Variants in CACNA1A observed in about 807,000 individuals in gnomAD.
CACNA1A encodes the protein voltage-dependent P/Q-type calcium channel subunit alpha-1A.
In CACNA1A, 57 loss-of-function variants were observed where a neutral mutation model predicts 262.4. The ratio of observed to expected loss-of-function variants is 0.22; its 90% CI spans 0.18 to 0.27. The LOEUF (loss-of-function observed/expected upper bound fraction) is 0.27, where lower values mean the gene tolerates loss of function less well. Among genes scored for constraint, CACNA1A ranks in the 10% least tolerant of loss-of-function variants. The pLI is 1.00. For missense variants in CACNA1A, 2,526 were observed against 3,562.8 expected, an observed-to-expected ratio of 0.71 and a Z score of 7.41; for synonymous variants, 1,431 against 1,419.3, an observed-to-expected ratio of 1.01 and a Z score of -0.18.
chr19:13,398,517 G>A (rs2059846369), intron 3 of CACNA1A, among the ~76,000 whole-genome samples: 1 of 152,176 alleles, frequency 6.6e-6, no homozygotes, highest in Non-Finnish European at 1.5e-5. Flanking sequence ...GCAGGTGGAA[G>A]GGTTCAATAA....
intron 3 of CACNA1A, among the ~76,000 whole-genome samples, chr19:13,385,859 G>A (rs952681006): frequency 2.0e-5 from 3 of 151,892 alleles, no homozygotes; most frequent in South Asian, 2.1e-4. Flanking sequence ...GGAAGGCTCA[G>A]TATTTAAAGA....
At chr19:13,415,172 G>T (rs757403918) in intron 3 of CACNA1A, among the ~76,000 whole-genome samples, 57 of 152,006 alleles carry the variant, frequency 3.7e-4, no homozygotes, top group Non-Finnish European at 7.5e-4. Flanking sequence ...ATCAGGGCAG[G>T]ATTTGGGGGA....
rs200323053 is a variant in CACNA1A, at chr19:13,322,607, T to C, written c.1346-5286A>G. ...TTGTTATGATTTGTCTTTTTTTTTT[T>C]TCTTGTAAGATGGAGTCTCACTCTG... On this transcript the variant is annotated intron_variant, in intron 10 of 46. Transcript: ENST00000360228. Among the ~76,000 whole-genome samples the C allele has an allele frequency of 5.3e-3, 809 of 152,110 alleles. 16 individuals carry two copies. Among genetic ancestry groups the C allele is most frequent in the East Asian group, 0.046 (240 of 5,162 alleles).
At chr19:13,320,797 A>T (rs190790199) in intron 10 of CACNA1A, among the ~76,000 whole-genome samples, 1 of 152,248 alleles carries the variant, frequency 6.6e-6, no homozygotes, top group Admixed American at 6.5e-5. Flanking sequence ...CTAGATTTTT[A>T]AAAATCACTT....
At chr19:13,496,903 A>G (rs915239866) in intron 1 of CACNA1A, among the ~76,000 whole-genome samples, 1 of 152,126 alleles carries the variant, frequency 6.6e-6, no homozygotes, top group African/African-American at 2.4e-5. Flanking sequence ...CCCAGATAGG[A>G]GCTATTAGGA....
At chr19:13,449,604 C>T (rs1292421952) in intron 3 of CACNA1A, among the ~76,000 whole-genome samples, 1 of 152,202 alleles carries the variant, frequency 6.6e-6, no homozygotes, top group Non-Finnish European at 1.5e-5. Context: ...AGCCACCATT[C>T]CCAGCCCACA....
intron 10 of CACNA1A, among the ~76,000 whole-genome samples, chr19:13,326,843 A>C (rs2058372525): frequency 6.6e-6 from 1 of 151,296 alleles, no homozygotes. Context: ...ACGTGAACGC[A>C]AATACCACAT....
intron 6 of CACNA1A, among the ~76,000 whole-genome samples, chr19:13,353,761 G>A (rs2058955864): frequency 6.6e-6 from 1 of 152,180 alleles, no homozygotes; most frequent in South Asian, 2.1e-4. Context: ...CTGTAGGTGA[G>A]CTGCCACTGT....
intron 4 of CACNA1A, among the ~76,000 whole-genome samples, chr19:13,369,233 T>C (rs2059275233): frequency 6.6e-6 from 1 of 152,090 alleles, no homozygotes; most frequent in South Asian, 2.1e-4. Flanking sequence ...TTGCCCTTGG[T>C]GATCAAAAGC....
At chr19:13,271,629 A>G (rs1350620097) in intron 24 of CACNA1A, 1 of 152,188 alleles carries the variant, frequency 6.6e-6, no homozygotes, top group Non-Finnish European at 1.5e-5. Context: ...TAGAAACAGC[A>G]TGTTGTAAAC....
rs1280998283 is a variant in CACNA1A, at chr19:13,212,083, G to A, written c.6303+20C>T. The A allele has an allele frequency of 6.4e-7, 1 of 1,555,216 alleles. No individual in the cohort carries two copies. Among genetic ancestry groups the A allele is most frequent in the South Asian group, 1.1e-5 (1 of 89,800 alleles). On this transcript the variant is annotated intron_variant, in intron 43 of 46. Transcript: ENST00000360228. The surrounding 1 kb of genome is among the most constrained non-coding windows in gnomAD (Gnocchi z 5.6). ...GCAGAGTGAGGGGTCCAGCCCCAGG[G>A]CAGTGGTGAAAGCCCTCACCTGGTT...
Position 13,240,171 on chromosome 19 carries a change from C to T in CACNA1A, c.4951-4441G>A, listed in dbSNP as rs746164187. ...GTCTAAAAAAAAAAAAAAAAAAGAG[C>T]GAGAGAGAGAGAGAATTGGAGAATG... is the stretch of plus-strand genomic sequence containing the variant. On this transcript the variant is annotated intron_variant, in intron 31 of 46. Coordinates refer to ENST00000360228, the MANE Select transcript of CACNA1A (RefSeq NM_001127222.2). Among the ~76,000 whole-genome samples the T allele has an allele frequency of 9.1e-5, 13 of 143,220 alleles. 1 individual carries two copies. Among genetic ancestry groups the T allele is most frequent in the South Asian group, 2.2e-4 (1 of 4,532 alleles). 94.0% of individuals were successfully genotyped at this position (143,220 alleles called of 152,430 possible). A position where few individuals can be genotyped will look rare whatever the true frequency, so the allele number is the denominator to read the frequency against.
intron 1 of CACNA1A, among the ~76,000 whole-genome samples, chr19:13,456,997 C>A (rs2061023334): frequency 6.6e-6 from 1 of 152,126 alleles, no homozygotes; most frequent in South Asian, 2.1e-4. Flanking sequence ...TGCCTGTAAT[C>A]CCAGCACTTT....
intron 10 of CACNA1A, among the ~76,000 whole-genome samples, chr19:13,326,770 C>CAAAAAAAAA (rs2058370307): frequency 7.9e-6 from 1 of 127,130 alleles, no homozygotes; most frequent in Non-Finnish European, 1.6e-5. Flanking sequence ...GCCTGAACAT[C>CAAAAAAAAA]AGAGCAAGAC....
At chr19:13,268,268 G>A (rs1469791920) in intron 24 of CACNA1A, among the ~76,000 whole-genome samples, 4 of 152,108 alleles carry the variant, frequency 2.6e-5, no homozygotes, top group Non-Finnish European at 5.9e-5. Context: ...CCTAGCAGCT[G>A]GTCCTCTCGT....
At chr19:13,215,071 A>AC (rs1205193042) in intron 38 of CACNA1A, 1 of 153,768 alleles carries the variant, frequency 6.5e-6, no homozygotes, top group Non-Finnish European at 1.4e-5. Context: ...GTGCAGTGGC[A>AC]CGAGCTTGGC....
intron 45 of CACNA1A, 129 bp from the exon 46 acceptor site, chr19:13,209,138 G>A (rs1429371637): frequency 2.9e-6 from 4 of 1,403,206 alleles, no homozygotes; most frequent in African/African-American, 2.8e-5. Flanking sequence ...CAGGTCAGTG[G>A]GTTGGGGGGA....
intron 18 of CACNA1A, among the ~76,000 whole-genome samples, chr19:13,299,915 T>C (rs1189322893): frequency 6.6e-6 from 1 of 152,160 alleles, no homozygotes; most frequent in Non-Finnish European, 1.5e-5. Flanking sequence ...CATCAGGCAT[T>C]CGATTCTTAA....
chr19:13,377,696 G>A (rs1176769187), intron 3 of CACNA1A, among the ~76,000 whole-genome samples: 1 of 152,092 alleles, frequency 6.6e-6, no homozygotes, highest in African/African-American at 2.4e-5. Context: ...GGATCAAGAA[G>A]TAATTCTCTA....
Sources: gnomAD v4.1 joint callset for allele counts (sites outside exome capture counted in the v4.1 genomes callset) on GRCh38, gnomAD v4.1.1 for gene constraint, Gnocchi (gnomAD v3.1) non-coding constraint, MANE v1.5 for transcripts, NCBI Gene and HGNC (gene_info 2026-07-23, HGNC 2026-07-21) for gene names.